Variants in SLC66A3 observed in about 807,000 individuals in gnomAD.
SLC66A3 encodes the protein PQ loop repeat containing 3.
Under a neutral mutation model 25.5 loss-of-function variants are expected in SLC66A3, and 23 were observed. The observed-to-expected ratio is 0.90, with a 90% CI of 0.65 to 1.28. The LOEUF (loss-of-function observed/expected upper bound fraction) is 1.28, where lower values mean the gene tolerates loss of function less well. Among genes scored for constraint, SLC66A3 ranks in the 50% most tolerant of loss-of-function variants. SLC66A3 has a pLI of 0.00. For synonymous variants in SLC66A3, 108 were observed against 112.6 expected (o/e 0.96, Z 0.26); for missense variants, 246 against 262.1 (o/e 0.94, Z 0.42).
chr2:11,171,725 C>T (rs188557100), intron 4 of SLC66A3, among the ~76,000 whole-genome samples, 200 bp from the exon 5 acceptor site: 21 of 152,166 alleles, frequency 1.4e-4, no homozygotes, highest in South Asian at 4.1e-4. Context: ...CCCACCACCA[C>T]GCCCAGCTAA....
intron 3 of SLC66A3, 64 bp from the exon 4 acceptor site, chr2:11,164,140 T>C: frequency 1.0e-6 from 1 of 983,756 alleles, no homozygotes; most frequent in Admixed American, 2.1e-5. Context: ...GGTTTGTATA[T>C]GTGAGATGGG....
intron 1 of SLC66A3, among the ~76,000 whole-genome samples, chr2:11,155,895 C>A (rs563094076): frequency 6.6e-6 from 1 of 152,226 alleles, no homozygotes; most frequent in African/African-American, 2.4e-5. Context: ...TTGTTTCTCA[C>A]CAAGCCCCGC....
rs189549599 is a variant in SLC66A3 at position 11,162,644 on chromosome 2, T to C, written c.297-1560T>C. On this transcript the variant is annotated intron_variant, in intron 3 of 6. Coordinates refer to ENST00000295083, the MANE Select transcript of SLC66A3 (RefSeq NM_152391.5). Reference sequence around the variant, plus strand: ...ATTTTTGAGACGGAGTCACACTCTGTCGCCCAGGCTGGAGTGCAGTGGTGC... The same window carrying C: ...ATTTTTGAGACGGAGTCACACTCTGCCGCCCAGGCTGGAGTGCAGTGGTGC... Among the ~76,000 whole-genome samples, 502 of 152,322 alleles carry C rather than the reference T, an allele frequency of 3.3e-3. 2 individuals are homozygous for C. Among genetic ancestry groups the C allele is most frequent in the African/African-American group, 0.01 (431 of 41,562 alleles).
At chr2:11,176,034 A>G (rs76210305) in intron 6 of SLC66A3, among the ~76,000 whole-genome samples, 22 of 152,344 alleles carry the variant, frequency 1.4e-4, no homozygotes, top group African/African-American at 5.1e-4. Flanking sequence ...ATGGGAAGGA[A>G]GACAGGCTTG....
chr2:11,171,066 C>A (rs1451530653), intron 4 of SLC66A3, among the ~76,000 whole-genome samples: 1 of 151,950 alleles, frequency 6.6e-6, no homozygotes, highest in Non-Finnish European at 1.5e-5. Context: ...ACCTGTAATC[C>A]CAACATTTTG....
intron 6 of SLC66A3, 83 bp downstream of exon 6, chr2:11,175,092 T>A: frequency 1.0e-6 from 1 of 991,766 alleles, no homozygotes; most frequent in Non-Finnish European, 1.5e-6. Flanking sequence ...TAGGGTTTAA[T>A]GGATGGACTT....
chr2:11,169,837 C>T lies in SLC66A3; in HGVS notation c.355-2088C>T, dbSNP rs111265570. Among the ~76,000 whole-genome samples the T allele has an allele frequency of 8.8e-3, 786 of 89,038 alleles. 29 individuals carry two copies. Among genetic ancestry groups the T allele is most frequent in the African/African-American group, 0.023 (457 of 19,910 alleles). 58.4% of individuals were successfully genotyped at this position (89,038 alleles called of 152,430 possible). A position where few individuals can be genotyped will look rare whatever the true frequency, so the allele number is the denominator to read the frequency against. Reference sequence around the variant, plus strand: ...GATTAGAATCACCCTGGATTTCTCTCTTTTTTTTTTTTTTTTTTTTGAGAC... The same window carrying T: ...GATTAGAATCACCCTGGATTTCTCTTTTTTTTTTTTTTTTTTTTTTGAGAC... On this transcript the variant is annotated intron_variant, in intron 4 of 6. Transcript: ENST00000295083.
At chr2:11,165,609 G>C (rs371152379) in intron 4 of SLC66A3, among the ~76,000 whole-genome samples, 2 of 152,278 alleles carry the variant, frequency 1.3e-5, no homozygotes, top group East Asian at 3.9e-4. Context: ...CTTCCCAGAC[G>C]GGGTGTCGGC....
rs1016120038 is a variant in SLC66A3 at position 11,165,957 on chromosome 2, A to C, written c.354+1696A>C. Among the ~76,000 whole-genome samples the C allele has an allele frequency of 1.4e-3, 219 of 152,342 alleles. 5 individuals carry two copies. The highest frequency in any genetic ancestry group is 1.7e-3 in the South Asian group (8 of 4,834). ...GGCAGGGAGGTTGCAGTGAGCCGAG[A>C]TGGCGGCAGTCCAGTCCAGCTTCGG... On this transcript the variant is annotated intron_variant, in intron 4 of 6. Transcript: ENST00000295083.
intron 4 of SLC66A3, among the ~76,000 whole-genome samples, chr2:11,169,680 T>C (rs1662475602): frequency 6.6e-6 from 1 of 152,002 alleles, no homozygotes; most frequent in South Asian, 2.1e-4. Flanking sequence ...GCCTGACGAC[T>C]GAGCCTCTCC....
intron 4 of SLC66A3, among the ~76,000 whole-genome samples, chr2:11,165,467 G>A (rs1662298451): frequency 6.6e-6 from 1 of 150,412 alleles, no homozygotes; most frequent in Non-Finnish European, 1.5e-5. Flanking sequence ...GGGGCGACGG[G>A]GCAGAGGCGC....
At chr2:11,166,729 A>G (rs1013411776) in intron 4 of SLC66A3, among the ~76,000 whole-genome samples, 1 of 152,032 alleles carries the variant, frequency 6.6e-6, no homozygotes, top group Non-Finnish European at 1.5e-5. Flanking sequence ...GTTCTCTACT[A>G]AAAGAAAATA....
intron 1 of SLC66A3, among the ~76,000 whole-genome samples, chr2:11,159,242 C>T (rs1046632362): frequency 6.6e-6 from 1 of 152,166 alleles, no homozygotes. Context: ...GGTGCAGCCT[C>T]CCCCTCTGCC....
In SLC66A3 at chr2:11,177,746, G is replaced by A. The variant is rs755367898; in HGVS notation, c.527G>A (p.Arg176His). The change falls in exon 7 of 7, where the codon CGT becomes CAT. Residue 176 changes from arginine (R) to histidine (H), a missense_variant. Physicochemically the swap from Arg to His is conservative, Grantham distance 29. This residue lies in a region of SLC66A3 where 93 missense variants were observed against 102.6 expected (regional missense o/e 0.91). Coordinates refer to ENST00000295083, the MANE Select transcript of SLC66A3 (RefSeq NM_152391.5). ...MTTNDFTILL[R>H]FVIMLALNIW... ...TTTTTTTTTATTTCAGTTCTTCTAC[G>A]TTTTGTGATCATGCTGGCTTTAAAT... 46 of 1,606,378 alleles carry A rather than the reference G, an allele frequency of 2.9e-5. No individual in the cohort carries two copies. Among genetic ancestry groups the A allele is most frequent in the Admixed American group, 8.4e-5 (5 of 59,804 alleles).
chr2:11,177,671 G>A (rs1473608103), intron 6 of SLC66A3, 66 bp from the exon 7 acceptor site: 1 of 965,922 alleles, frequency 1.0e-6, no homozygotes, highest in African/African-American at 1.6e-5. Flanking sequence ...CTTATACTTT[G>A]AGCAGGAGGT....
Position 11,177,991 on chromosome 2 carries a change from GT to G in SLC66A3, c.*166del. The G allele has an allele frequency of 1.7e-6, 1 of 581,520 alleles. No homozygotes were observed. Among genetic ancestry groups the G allele is most frequent in the Non-Finnish European group, 3.0e-6 (1 of 332,668 alleles). The allele number at this position is 581,520 out of a possible 1,614,324, so 36.0% of individuals were successfully genotyped here. ...GAAAGAAAGAGCCACTTAAATTCTT[GT>G]TTAAAAATACCAATTTGCCTCCTCC... On this transcript the variant is annotated 3_prime_UTR_variant, in exon 7 of 7. Transcript: ENST00000295083.
In SLC66A3 at chr2:11,155,557, C is replaced by T. The variant is rs758458635; in HGVS notation, c.11C>T (p.Ala4Val). 13 of 1,502,310 alleles carry T rather than the reference C, an allele frequency of 8.7e-6. No individual in the cohort carries two copies. The South Asian group carries it at 1.4e-4, about 16-fold the overall frequency. The allele number at this position is 1,502,310 out of a possible 1,614,324, so 93.1% of individuals were successfully genotyped here. A position where few individuals can be genotyped will look rare whatever the true frequency, so the allele number is the denominator to read the frequency against. ...CGCGCCCGTGGCGCTATGGAGGCGGCGCTGCTGGGGCTGTGTAACTGGAGC... is the reference window on the plus strand; with the variant it reads ...CGCGCCCGTGGCGCTATGGAGGCGGTGCTGCTGGGGCTGTGTAACTGGAGC... MEAALLGLCNWSTL... is the reference protein window; with the variant it reads MEAVLLGLCNWSTL... The change falls in exon 1 of 7, where the codon GCG becomes GTG. Residue 4 changes from alanine (A) to valine (V), a missense_variant. Physicochemically the swap from Ala to Val is moderately conservative, Grantham distance 64. Coordinates refer to ENST00000295083, the MANE Select transcript of SLC66A3 (RefSeq NM_152391.5).
intron 4 of SLC66A3, among the ~76,000 whole-genome samples, chr2:11,169,631 C>T (rs919423530): frequency 9.2e-5 from 14 of 152,008 alleles, no homozygotes; most frequent in Non-Finnish European, 1.8e-4. Flanking sequence ...GTTCCCAGGG[C>T]TCCAGCACAC....
chr2:11,174,249 C>T (rs528710987), intron 5 of SLC66A3, among the ~76,000 whole-genome samples: 3 of 152,242 alleles, frequency 2.0e-5, no homozygotes, highest in Admixed American at 6.5e-5. Context: ...AGCCACTGTG[C>T]CTGGCCAAAA....
Sources: allele counts gnomAD v4.1 joint callset (sites outside exome capture counted in the v4.1 genomes callset), GRCh38; gene constraint gnomAD v4.1.1; regional missense constraint gnomAD v4.1.1; transcripts MANE v1.5; gene names NCBI Gene and HGNC (gene_info 2026-07-23, HGNC 2026-07-21).